Variants in SNTG1 observed in about 807,000 individuals in gnomAD.
The protein encoded by SNTG1 is gamma-1-syntrophin.
SNTG1 carries 39 observed loss-of-function variants against 74.7 expected under a neutral mutation model. The ratio of observed to expected loss-of-function variants is 0.52; its 90% CI spans 0.40 to 0.68. SNTG1 has a LOEUF of 0.68. Among genes scored for constraint, SNTG1 ranks in the 30% least tolerant of loss-of-function variants. SNTG1 has a pLI of 0.00. For synonymous variants in SNTG1, 254 were observed against 217.1 expected, an observed-to-expected ratio of 1.17 and a Z score of -1.49; for missense variants, 685 against 609.5, an observed-to-expected ratio of 1.12 and a Z score of -1.30.
In SNTG1 at chr8:50,573,505, A is replaced by C. The variant is rs565809153; in HGVS notation, c.811-17374A>C. On this transcript the variant is annotated intron_variant, in intron 12 of 18. Transcript: ENST00000642720. Reference sequence around the variant, plus strand: ...ATGAGTTTCTAAGAAAAAAATGTGCATATATTTGTCATTTTCCCAAGGATT... The same window carrying C: ...ATGAGTTTCTAAGAAAAAAATGTGCCTATATTTGTCATTTTCCCAAGGATT... Among the ~76,000 whole-genome samples the C allele has an allele frequency of 4.2e-3, 646 of 152,074 alleles. 9 individuals carry two copies. Among genetic ancestry groups the C allele is most frequent in the African/African-American group, 0.014 (586 of 41,566 alleles).
intron 8 of SNTG1, among the ~76,000 whole-genome samples, chr8:50,493,223 C>T (rs763125202): frequency 1.4e-4 from 22 of 152,236 alleles, no homozygotes; most frequent in Non-Finnish European, 3.1e-4. Flanking sequence ...AAAATTCTGG[C>T]ACCTTCTATG....
At chr8:50,254,864 A>AAAAG (rs1563803940) in intron 2 of SNTG1, among the ~76,000 whole-genome samples, 8 of 147,312 alleles carry the variant, frequency 5.4e-5, no homozygotes, top group Non-Finnish European at 7.4e-5. Flanking sequence ...AAAAAAAAAA[A>AAAAG]AAAGAAAGAA....
intron 3 of SNTG1, among the ~76,000 whole-genome samples, chr8:50,398,407 C>CGTGGCAT (rs1428870166): frequency 6.6e-6 from 1 of 152,178 alleles, no homozygotes; most frequent in Non-Finnish European, 1.5e-5. Flanking sequence ...TGCATCATCA[C>CGTGGCAT]GTGGCATGCA....
intron 3 of SNTG1, among the ~76,000 whole-genome samples, chr8:50,394,561 C>A (rs995187306): frequency 2.0e-5 from 3 of 152,172 alleles, no homozygotes; most frequent in African/African-American, 2.4e-5. Flanking sequence ...GGAAAGAATT[C>A]TTTTCACATA....
chr8:50,471,782 A>G (rs1014233226), intron 8 of SNTG1, among the ~76,000 whole-genome samples: 2 of 152,228 alleles, frequency 1.3e-5, no homozygotes, highest in African/African-American at 4.8e-5. Context: ...AATAAAAAGA[A>G]CACAGACTAC....
At chr8:50,410,986 A>G (rs1189153106) in intron 4 of SNTG1, among the ~76,000 whole-genome samples, 1 of 152,204 alleles carries the variant, frequency 6.6e-6, no homozygotes, top group Non-Finnish European at 1.5e-5. Flanking sequence ...TTTTAGAGGT[A>G]AAAGTGGTCA....
At chr8:50,270,967 C>T (rs927220035) in intron 2 of SNTG1, among the ~76,000 whole-genome samples, 1 of 152,148 alleles carries the variant, frequency 6.6e-6, no homozygotes, top group Non-Finnish European at 1.5e-5. Flanking sequence ...TAAATATGTG[C>T]TTGCTGCCTC....
intron 12 of SNTG1, among the ~76,000 whole-genome samples, chr8:50,560,387 T>G (rs542201855): frequency 4.6e-5 from 7 of 152,328 alleles, no homozygotes; most frequent in Admixed American, 2.0e-4. Flanking sequence ...CAAAGGAATA[T>G]AAATCATTCT....
In SNTG1 at chr8:50,449,613, A is replaced by T. The variant is rs1274305760; in HGVS notation, c.220-55A>T. On this transcript the variant is annotated intron_variant, in intron 5 of 18. Transcript: ENST00000642720. ...TCAGAGCCTGTATGGTTTCTTAGCT[A>T]AAAGCAGCATTTTTTTTAGATTAAA... 3 of 1,430,836 alleles carry T rather than the reference A, an allele frequency of 2.1e-6. No homozygotes were observed. In the East Asian group the frequency reaches 7.3e-5, roughly 35 times the overall value. The allele number at this position is 1,430,836 out of a possible 1,614,324, so 88.6% of individuals were successfully genotyped here. A position where few individuals can be genotyped will look rare whatever the true frequency, so the allele number is the denominator to read the frequency against.
chr8:49,925,965 T>C (rs768283029), intron 1 of SNTG1, among the ~76,000 whole-genome samples: 4 of 152,158 alleles, frequency 2.6e-5, no homozygotes, highest in Non-Finnish European at 5.9e-5. Context: ...GATCACTTAA[T>C]AGGACGTAAT....
chr8:49,963,675 C>T (rs1268587079), intron 1 of SNTG1, among the ~76,000 whole-genome samples: 1 of 152,168 alleles, frequency 6.6e-6, no homozygotes, highest in Non-Finnish European at 1.5e-5. Flanking sequence ...GTTTCCTTTA[C>T]TACAAGCTAC....
intron 9 of SNTG1, among the ~76,000 whole-genome samples, chr8:50,528,563 T>A (rs1285347257): frequency 6.6e-6 from 1 of 151,930 alleles, no homozygotes; most frequent in Non-Finnish European, 1.5e-5. Flanking sequence ...TTTGCTAATA[T>A]ATTGTTTACA....
At chr8:50,703,207 A>G (rs2095432048) in intron 15 of SNTG1, among the ~76,000 whole-genome samples, 1 of 152,330 alleles carries the variant, frequency 6.6e-6, no homozygotes, top group African/African-American at 2.4e-5. Context: ...TTTTTTGTAG[A>G]AGTGCTTAGC....
At chr8:50,197,475 G>T (rs2083819102) in intron 2 of SNTG1, among the ~76,000 whole-genome samples, 1 of 151,982 alleles carries the variant, frequency 6.6e-6, no homozygotes, top group Admixed American at 6.6e-5. Flanking sequence ...TAGTTTCTCA[G>T]TATTGTTCTC....
At chr8:50,353,588 G>A (rs968318065) in intron 2 of SNTG1, among the ~76,000 whole-genome samples, 1 of 152,084 alleles carries the variant, frequency 6.6e-6, no homozygotes, top group African/African-American at 2.4e-5. Flanking sequence ...TATGACAAGT[G>A]AGTTTGGGCT....
Position 50,178,402 on chromosome 8 carries a change from TGC to T in SNTG1, c.-28+5774_-28+5775del, listed in dbSNP as rs202075505. On this transcript the variant is annotated intron_variant, in intron 2 of 18. Coordinates refer to ENST00000642720, the MANE Select transcript of SNTG1 (RefSeq NM_018967.5). Reference sequence around the variant, plus strand: ...CTTTCTGTCTCTCTCTTCACACACGTGCGCGCGCACACACACACACACACAGG... The same window carrying T: ...CTTTCTGTCTCTCTCTTCACACACGTGCGCGCACACACACACACACACAGG... 3.1e-3 allele frequency among the ~76,000 whole-genome samples: 476 copies of T among 151,186 alleles called. 3 individuals are homozygous for T. The highest frequency in any genetic ancestry group is 0.011 in the African/African-American group (459 of 41,100).
chr8:50,414,963 A>G (rs2092996611), intron 4 of SNTG1, among the ~76,000 whole-genome samples: 1 of 152,214 alleles, frequency 6.6e-6, no homozygotes, highest in Admixed American at 6.6e-5. Context: ...CTAGGTGACC[A>G]CTAGAGGTGA....
chr8:50,331,049 A>C (rs2090944800), intron 2 of SNTG1, among the ~76,000 whole-genome samples: 1 of 152,158 alleles, frequency 6.6e-6, no homozygotes, highest in Non-Finnish European at 1.5e-5. Flanking sequence ...CTATTTTCCA[A>C]AATGTGTTTC....
chr8:49,915,076 C>T (rs915688381), intron 1 of SNTG1: 14 of 152,138 alleles, frequency 9.2e-5, no homozygotes, highest in African/African-American at 9.7e-5. Context: ...ACTTGACAGT[C>T]AAAAGATCAG....
Sources: gnomAD v4.1 joint callset for allele counts (sites outside exome capture counted in the v4.1 genomes callset) on GRCh38, gnomAD v4.1.1 for gene constraint, MANE v1.5 for transcripts, NCBI Gene and HGNC (gene_info 2026-07-23, HGNC 2026-07-21) for gene names.